NRG1: variants seen among roughly 807,000 people sequenced by gnomAD.
NRG1 encodes the protein pro-neuregulin-1, membrane-bound isoform.
Under a neutral mutation model 63.8 loss-of-function variants are expected in NRG1, and 18 were observed. The observed-to-expected ratio is 0.28, with a 90% CI of 0.19 to 0.42. The LOEUF (loss-of-function observed/expected upper bound fraction) is 0.42. Among genes scored for constraint, NRG1 ranks in the 10% least tolerant of loss-of-function variants. The pLI, the probability that NRG1 is intolerant of heterozygous loss-of-function variation, is 1.00. For missense variants in NRG1, 762 were observed against 814.7 expected (o/e 0.94, Z 0.79); for synonymous variants, 302 against 301.3 (o/e 1.00, Z -0.02).
chr8:32,318,998 CTG>C (rs1476438306), intron 1 of NRG1, among the ~76,000 whole-genome samples: 1 of 152,142 alleles, frequency 6.6e-6, no homozygotes, highest in Non-Finnish European at 1.5e-5. Context: ...ATAGGAGTGA[CTG>C]TGCGATGTAA....
At chr8:32,736,939 C>T (rs1007068876) in intron 6 of NRG1, among the ~76,000 whole-genome samples, 1 of 151,816 alleles carries the variant, frequency 6.6e-6, no homozygotes, top group African/African-American at 2.4e-5. Flanking sequence ...ATAAAAAATA[C>T]ACCAAGCATT....
At chr8:31,689,143 A>G (rs949027314) in intron 1 of NRG1, among the ~76,000 whole-genome samples, 1 of 152,202 alleles carries the variant, frequency 6.6e-6, no homozygotes, top group South Asian at 2.1e-4. Flanking sequence ...ATCCAGGATA[A>G]TTTCCTTGTT....
chr8:31,836,852 A>G (rs939225804), intron 1 of NRG1, among the ~76,000 whole-genome samples: 2 of 152,132 alleles, frequency 1.3e-5, no homozygotes, highest in Non-Finnish European at 1.5e-5. Context: ...TTTGATAAAT[A>G]TTATAAATTG....
Position 32,463,874 on chromosome 8 carries a change from CTTTTTTTTTTTTTTT to C in NRG1, c.38-131929_38-131915del, listed in dbSNP as rs756489856. The stretch of plus-strand genomic sequence containing the variant: ...ACACACACGAAAAAAACTTAGAATT[CTTTTTTTTTTTTTTT>C]TTTTTTTTTTTTTTTTTTTTTTTTG... On this transcript the variant is annotated intron_variant, in intron 1 of 10. Coordinates refer to the NRG1 transcript ENST00000519301. Among the ~76,000 whole-genome samples, 188 of 42,352 alleles carry C rather than the reference CTTTTTTTTTTTTTTT, an allele frequency of 4.4e-3. 1 individual carries two copies. Among genetic ancestry groups the C allele is most frequent in the Admixed American group, 5.6e-3 (21 of 3,770 alleles). The allele number at this position is 42,352 out of a possible 152,430, so 27.8% of individuals were successfully genotyped here. A position where few individuals can be genotyped will look rare whatever the true frequency, so the allele number is the denominator to read the frequency against.
At chr8:32,414,937 C>A (rs373979702) in intron 1 of NRG1, among the ~76,000 whole-genome samples, 1 of 151,966 alleles carries the variant, frequency 6.6e-6, no homozygotes, top group Non-Finnish European at 1.5e-5. Context: ...GTGTACAGTG[C>A]GAAAAACAGC....
chr8:31,969,964 G>T (rs1221539103), intron 1 of NRG1, among the ~76,000 whole-genome samples: 2 of 152,114 alleles, frequency 1.3e-5, no homozygotes, highest in Non-Finnish European at 2.9e-5. Flanking sequence ...TCTATAAGTT[G>T]TGAGACCATG....
At chr8:32,467,859 A>G (rs1409309047) in intron 1 of NRG1, among the ~76,000 whole-genome samples, 1 of 152,214 alleles carries the variant, frequency 6.6e-6, no homozygotes, top group Non-Finnish European at 1.5e-5. Flanking sequence ...GGTATAGGCC[A>G]GCTTTTCAGG....
At chr8:32,519,816 G>GT (rs1229426220) in intron 1 of NRG1, among the ~76,000 whole-genome samples, 1 of 152,104 alleles carries the variant, frequency 6.6e-6, no homozygotes, top group Admixed American at 6.5e-5. Flanking sequence ...TTTGGTAAAA[G>GT]TAACTTTTTC....
intron 1 of NRG1, among the ~76,000 whole-genome samples, chr8:31,972,034 C>T (rs754769638): frequency 1.3e-5 from 2 of 152,194 alleles, no homozygotes; most frequent in African/African-American, 2.4e-5. Flanking sequence ...CCCCCTTTCT[C>T]GCACGCATAC....
intron 1 of NRG1, among the ~76,000 whole-genome samples, chr8:32,397,709 C>T (rs1203836651): frequency 6.6e-6 from 1 of 152,102 alleles, no homozygotes; most frequent in Non-Finnish European, 1.5e-5. Flanking sequence ...CATTGGTTAC[C>T]ATGTGTATTC....
intron 1 of NRG1, among the ~76,000 whole-genome samples, chr8:31,839,202 T>G (rs1303939289): frequency 6.6e-6 from 1 of 152,206 alleles, no homozygotes; most frequent in Admixed American, 6.5e-5. Flanking sequence ...TTATTCATTC[T>G]CCTCCCATTC....
At chr8:32,524,616 A>G (rs1830640390) in intron 1 of NRG1, among the ~76,000 whole-genome samples, 1 of 152,066 alleles carries the variant, frequency 6.6e-6, no homozygotes, top group South Asian at 2.1e-4. Context: ...TGGGTCTAAA[A>G]CCAGACACCG....
intron 1 of NRG1, among the ~76,000 whole-genome samples, chr8:32,387,789 G>A (rs1300967029): frequency 6.6e-6 from 1 of 152,098 alleles, no homozygotes; most frequent in Non-Finnish European, 1.5e-5. Flanking sequence ...AATCCCGGTG[G>A]CTTTCTGAGT....
At chr8:32,585,201 T>C (rs1841382005) in intron 1 of NRG1, among the ~76,000 whole-genome samples, 1 of 140,726 alleles carries the variant, frequency 7.1e-6, no homozygotes, top group South Asian at 2.4e-4. Flanking sequence ...GTATAATGCA[T>C]AAGAAAAAAA....
intron 1 of NRG1, among the ~76,000 whole-genome samples, chr8:32,325,385 GTTGT>G (rs1392557945): frequency 6.6e-6 from 1 of 152,040 alleles, no homozygotes; most frequent in Non-Finnish European, 1.5e-5. Flanking sequence ...TTTTTTTGTT[GTTGT>G]TTGTTTGTTT....
intron 1 of NRG1, among the ~76,000 whole-genome samples, chr8:31,645,694 G>T (rs1447049410): frequency 6.6e-6 from 1 of 152,156 alleles, no homozygotes; most frequent in East Asian, 1.9e-4. Context: ...AGGAGAACCA[G>T]GATATTTTTC....
At chr8:32,530,122 T>C (rs1167306854) in intron 1 of NRG1, among the ~76,000 whole-genome samples, 1 of 152,072 alleles carries the variant, frequency 6.6e-6, no homozygotes, top group Non-Finnish European at 1.5e-5. Context: ...TTTTTCTTTT[T>C]TTTGAGGCGG....
In NRG1 at chr8:32,492,723, G is replaced by T. The variant is rs546747318; in HGVS notation, c.38-103105G>T. 1.6e-4 allele frequency among the ~76,000 whole-genome samples: 25 copies of T among 152,132 alleles called. No individual in the cohort carries two copies. The South Asian group carries it at 4.6e-3, about 28-fold the overall frequency. On this transcript the variant is annotated intron_variant, in intron 1 of 10. Transcript: ENST00000519301. ...CTGAGTAACATCTGTATTCACCCCT[G>T]CCTTTCCATTGATTGGAAACCTTTA...
At chr8:32,454,843 T>C (rs1164639491) in intron 1 of NRG1, among the ~76,000 whole-genome samples, 1 of 152,204 alleles carries the variant, frequency 6.6e-6, no homozygotes, top group Non-Finnish European at 1.5e-5. Flanking sequence ...CCCAGAGCAA[T>C]GTCTAGTCCT....
Sources: gnomAD v4.1 joint callset for allele counts (sites outside exome capture counted in the v4.1 genomes callset) on GRCh38, gnomAD v4.1.1 for gene constraint, MANE v1.5 for transcripts, NCBI Gene and HGNC (gene_info 2026-07-23, HGNC 2026-07-21) for gene names.